Variants in EMC2 observed in about 807,000 individuals in gnomAD.
EMC2 encodes ER membrane protein complex subunit 2, also known as TPR repeat protein 35.
Under a neutral mutation model 51.6 loss-of-function variants are expected in EMC2, and 37 were observed. The ratio of observed to expected loss-of-function variants is 0.72; its 90% CI spans 0.55 to 0.94. The LOEUF is 0.94. Among genes scored for constraint, EMC2 ranks in the 40% least tolerant of loss-of-function variants. EMC2 has a pLI of 0.00. For synonymous variants in EMC2, 131 were observed against 112.4 expected, an observed-to-expected ratio of 1.17 and a Z score of -1.04; for missense variants, 359 against 350.9, an observed-to-expected ratio of 1.02 and a Z score of -0.18.
At chr8:108,459,975 C>A (rs1272008395) in intron 5 of EMC2, among the ~76,000 whole-genome samples, 1 of 152,076 alleles carries the variant, frequency 6.6e-6, no homozygotes, top group Non-Finnish European at 1.5e-5. Flanking sequence ...AGCTTACTGT[C>A]TTAGTTCAAC....
At chr8:108,465,420 A>T (rs1357244839) in intron 5 of EMC2, among the ~76,000 whole-genome samples, 1 of 152,160 alleles carries the variant, frequency 6.6e-6, no homozygotes, top group Non-Finnish European at 1.5e-5. Flanking sequence ...GTTCTTTCTC[A>T]ATTTTATTTA....
chr8:108,455,895 T>A lies in EMC2; in HGVS notation c.328T>A (p.Tyr110Asn). The stretch of plus-strand genomic sequence containing the variant: ...TAGATATGATGATGCTATACAGCTA[T>A]ATGATAGGATTTTACAAGAAGATCC... Reference protein sequence around the residue: ...MERYDDAIQLYDRILQEDPTN... With the variant: ...MERYDDAIQLNDRILQEDPTN... The change falls in exon 5 of 11, where the codon TAT (tyrosine) becomes AAT (asparagine). Residue 110 changes from tyrosine to asparagine, a missense_variant. Physicochemically the swap from Tyr to Asn is moderately radical, Grantham distance 143. Coordinates refer to ENST00000220853, the MANE Select transcript of EMC2 (RefSeq NM_014673.5). 1 of 1,347,760 alleles carries A rather than the reference T, an allele frequency of 7.4e-7. No homozygotes were observed. The highest frequency in any genetic ancestry group is 1.0e-6 in the Non-Finnish European group (1 of 983,076). 83.5% of individuals were successfully genotyped at this position (1,347,760 alleles called of 1,614,324 possible).
chr8:108,454,127 A>G (rs1040865483), intron 4 of EMC2, among the ~76,000 whole-genome samples: 10 of 152,042 alleles, frequency 6.6e-5, no homozygotes, highest in African/African-American at 2.2e-4. Context: ...TTGTGTAGAC[A>G]GCATTTAGTT....
intron 1 of EMC2, 57 bp downstream of exon 1, chr8:108,443,755 G>C: frequency 6.7e-7 from 1 of 1,483,954 alleles, no homozygotes; most frequent in Non-Finnish European, 9.3e-7. Context: ...AGCCGTTCGG[G>C]AGTACCCGCT....
At chr8:108,485,352 G>T (rs924555288) in intron 10 of EMC2, among the ~76,000 whole-genome samples, 1 of 149,594 alleles carries the variant, frequency 6.7e-6, no homozygotes, top group African/African-American at 2.4e-5. Flanking sequence ...GAAAACACTA[G>T]ATGTTGCTAA....
intron 5 of EMC2, among the ~76,000 whole-genome samples, chr8:108,460,816 G>A (rs774737823): frequency 1.3e-5 from 2 of 152,168 alleles, no homozygotes; most frequent in Non-Finnish European, 2.9e-5. Flanking sequence ...AGAGCAAAGC[G>A]ACTTAATTCA....
chr8:108,449,789 C>T (rs1818971213), intron 1 of EMC2, 34 bp from the exon 2 acceptor site: 1 of 961,024 alleles, frequency 1.0e-6, no homozygotes, highest in African/African-American at 1.6e-5. Context: ...TGTCTGGGTA[C>T]ATATACACTT....
intron 9 of EMC2, 63 bp downstream of exon 9, chr8:108,476,955 A>G (rs1810958817): frequency 2.6e-6 from 2 of 769,192 alleles, no homozygotes; most frequent in Non-Finnish European, 4.6e-6. Flanking sequence ...CCATTTAACT[A>G]TCCCCTTCAA....
At chr8:108,469,963 A>G in intron 6 of EMC2, 52 bp downstream of exon 6, 1 of 1,547,430 alleles carries the variant, frequency 6.5e-7, no homozygotes, top group Non-Finnish European at 8.9e-7. Context: ...AATCTTTTTT[A>G]ATTAAAATGG....
At position 108,460,243 on chromosome 8, in the gene EMC2, G is replaced by A. The variant is rs1819284490; in HGVS notation, c.363+4313G>A. Among the ~76,000 whole-genome samples, 4 of 152,116 alleles carry A rather than the reference G, an allele frequency of 2.6e-5. No individual in the cohort carries two copies. In the South Asian group the frequency reaches 8.3e-4, roughly 32 times the overall value. On this transcript the variant is annotated intron_variant, in intron 5 of 10. Coordinates refer to ENST00000220853, the MANE Select transcript of EMC2 (RefSeq NM_014673.5). ...TTGATTCTGTCTCAGTTTACATTGG[G>A]AATTTTTAATAAGTTATTTCACTTC...
chr8:108,477,790 A>G (rs1028991483), intron 9 of EMC2, among the ~76,000 whole-genome samples: 4 of 152,112 alleles, frequency 2.6e-5, no homozygotes, highest in African/African-American at 9.7e-5. Flanking sequence ...CAACAAATTA[A>G]TAATAGCTTA....
chr8:108,450,854 T>C (rs897244332), intron 3 of EMC2, among the ~76,000 whole-genome samples: 2 of 152,216 alleles, frequency 1.3e-5, no homozygotes, highest in Non-Finnish European at 2.9e-5. Flanking sequence ...TACACAATAT[T>C]ATAAACATAT....
At chr8:108,468,462 A>T (rs1163236280) in intron 5 of EMC2, among the ~76,000 whole-genome samples, 4 of 151,524 alleles carry the variant, frequency 2.6e-5, no homozygotes, top group Non-Finnish European at 4.4e-5. Flanking sequence ...TTTATTTTTT[A>T]TTTTTTTTAC....
chr8:108,480,115 A>C (rs1255211521), intron 10 of EMC2, among the ~76,000 whole-genome samples: 1 of 151,980 alleles, frequency 6.6e-6, no homozygotes, highest in East Asian at 1.9e-4. Context: ...TAGCCCTTTT[A>C]TTTGAGAAAA....
Position 108,488,588 on chromosome 8 carries a change from C to G in EMC2, c.*1990C>G, listed in dbSNP as rs1337654333. Among the ~76,000 whole-genome samples, 1 of 152,172 alleles carries G rather than the reference C, an allele frequency of 6.6e-6. No homozygotes were observed. The highest frequency in any genetic ancestry group is 1.9e-4 in the East Asian group (1 of 5,190). On this transcript the variant is annotated 3_prime_UTR_variant, in exon 11 of 11. Transcript: ENST00000220853. ...GTACTGATAATCCCATTACAGCAGG[C>G]AGTTGCCTACAGCTATTACCTTTAT...
chr8:108,450,625 T>C (rs1818994246), intron 3 of EMC2, 133 bp downstream of exon 3: 2 of 653,514 alleles, frequency 3.1e-6, no homozygotes, highest in Non-Finnish European at 5.6e-6. Context: ...TAAGTGGAAC[T>C]AACTAGATAT....
chr8:108,456,884 A>T (rs28607341), intron 5 of EMC2, among the ~76,000 whole-genome samples: 3 of 152,332 alleles, frequency 2.0e-5, no homozygotes, highest in Admixed American at 6.5e-5. Flanking sequence ...AAGTATTTTT[A>T]AAAATTTTAA....
intron 1 of EMC2, chr8:108,446,154 A>T (rs1818873458): frequency 4.7e-6 from 1 of 210,834 alleles, no homozygotes; most frequent in African/African-American, 2.3e-5. Context: ...TTCTTTCTTT[A>T]TCCTCAGTGC....
intron 5 of EMC2, 105 bp from the exon 6 acceptor site, chr8:108,469,721 G>A: frequency 2.2e-6 from 2 of 899,798 alleles, no homozygotes; most frequent in Non-Finnish European, 3.6e-6. Flanking sequence ...TTCTACAATG[G>A]AATTTCTCTG....
Sources: gnomAD v4.1 joint callset for allele counts (sites outside exome capture counted in the v4.1 genomes callset) on GRCh38, gnomAD v4.1.1 for gene constraint, MANE v1.5 for transcripts, NCBI Gene and HGNC (gene_info 2026-07-23, HGNC 2026-07-21) for gene names.